Variants in HK2 observed in about 807,000 individuals in gnomAD.
The protein encoded by HK2 is hexokinase-2.
A neutral mutation model predicts 92.9 loss-of-function variants in HK2; 42 were observed. The ratio of observed to expected loss-of-function variants is 0.45; its 90% confidence interval spans 0.35 to 0.58. HK2 has a LOEUF of 0.58. Among genes scored for constraint, HK2 ranks in the 20% least tolerant of loss-of-function variants. The probability of loss-of-function intolerance (pLI) is 0.00; values close to 1 mark genes in which losing one functional copy is unlikely to be tolerated. For missense variants in HK2, 978 were observed against 1,245.1 expected (o/e 0.79, Z 3.23); for synonymous variants, 422 against 468.0 (o/e 0.90, Z 1.27).
intron 1 of HK2, among the ~76,000 whole-genome samples, chr2:74,841,692 G>A (rs1400158127): frequency 2.6e-5 from 4 of 152,210 alleles, no homozygotes; most frequent in Non-Finnish European, 4.4e-5. Flanking sequence ...CAGGGAACGG[G>A]AGCTAGTTGC....
chr2:74,835,630 G>A (rs773196916), intron 1 of HK2, among the ~76,000 whole-genome samples: 51 of 152,114 alleles, frequency 3.4e-4, no homozygotes, highest in Non-Finnish European at 5.3e-4. Flanking sequence ...CGGGGCCGGG[G>A]ACGGGCAGGG....
intron 1 of HK2, among the ~76,000 whole-genome samples, chr2:74,836,484 T>C (rs1688169239): frequency 6.6e-6 from 1 of 152,226 alleles, no homozygotes; most frequent in South Asian, 2.1e-4. Flanking sequence ...AATGCAATAA[T>C]AACAGTAGGC....
At chr2:74,858,121 A>G (rs981333063) in intron 2 of HK2, among the ~76,000 whole-genome samples, 1 of 152,252 alleles carries the variant, frequency 6.6e-6, no homozygotes, top group East Asian at 1.9e-4. Flanking sequence ...CTTCACAGCA[A>G]GAAACACATG....
chr2:74,892,891 C>T lies in HK2; in HGVS notation c.*1950C>T, dbSNP rs1346452400. On this transcript the variant is annotated 3_prime_UTR_variant, in exon 18 of 18. Transcript: ENST00000290573. ...GCTGCTCCCATCTGCACTAATTGAC[C>T]CAAAACGTGGGTATTTCCTGCTACA... is the stretch of plus-strand genomic sequence containing the variant. The T allele has an allele frequency of 6.6e-6, 1 of 152,074 alleles. No homozygotes were observed. The highest frequency in any genetic ancestry group is 1.5e-5 in the Non-Finnish European group (1 of 68,024). 9.4% of individuals were successfully genotyped at this position (152,074 alleles called of 1,614,324 possible).
At chr2:74,884,475 G>A (rs1217927892) in intron 12 of HK2, among the ~76,000 whole-genome samples, 6 of 152,212 alleles carry the variant, frequency 3.9e-5, no homozygotes, top group Non-Finnish European at 7.3e-5. Flanking sequence ...ACAAACTTGC[G>A]TCAAACATGT....
rs770217860 is a variant in HK2, at chr2:74,877,225, A to C, written c.935A>C (p.Lys312Thr). 6.2e-7 allele frequency: 1 copy of C among 1,614,186 alleles called. No individual in the cohort carries two copies. Among genetic ancestry groups the C allele is most frequent in the Non-Finnish European group, 8.5e-7 (1 of 1,180,030 alleles). The change falls in exon 8 of 18, where the codon AAG becomes ACG. Residue 312 changes from lysine (K) to threonine (T), a missense_variant. Around this residue, in one of 3 missense-constraint regions of HK2, gnomAD observed 742 missense variants for 922.5 expected, o/e 0.80. Transcript: ENST00000290573. ...GAGCTGGTGAGGCTTATCCTGGTGA[A>C]GATGGCCAAGGAGGAGCTGCTCTTT... is the stretch of plus-strand genomic sequence containing the variant. ...MGELVRLILVKMAKEELLFGG... is the reference protein window; with the variant it reads ...MGELVRLILVTMAKEELLFGG...
intron 1 of HK2, among the ~76,000 whole-genome samples, chr2:74,845,623 G>GCTTACCCGCTGCCT (rs1688417375): frequency 6.6e-6 from 1 of 152,240 alleles, no homozygotes; most frequent in Admixed American, 6.5e-5. Flanking sequence ...TCAGCTCTGC[G>GCTTACCCGCTGCCT]CTTACCCGCT....
At chr2:74,867,835 A>G (rs376758625) in intron 3 of HK2, 51 bp downstream of exon 3, 16 of 1,607,724 alleles carry the variant, frequency 1.0e-5, no homozygotes, top group Non-Finnish European at 1.3e-5. Context: ...CTTCCTTGGC[A>G]TGTTCTTTCT....
At chr2:74,849,443 C>T (rs10175889) in intron 1 of HK2, among the ~76,000 whole-genome samples, 2,409 of 152,336 alleles carry the variant, frequency 0.016, 70 homozygotes, top group African/African-American at 0.055. Context: ...GGCAGGCAGA[C>T]GGGAAGGTAA....
chr2:74,844,812 AAGGCCCGACACAGAGCACCTGGTC>A (rs1688399663), intron 1 of HK2, among the ~76,000 whole-genome samples: 1 of 152,240 alleles, frequency 6.6e-6, no homozygotes, highest in Admixed American at 6.5e-5. Context: ...CCTGAAGAGC[AAGGCCCGACACAGAGCACCTGGTC>A]AGTCGGGAGT....
At position 74,891,913 on chromosome 2, in the gene HK2, G is replaced by C. The variant is rs1368094293; in HGVS notation, c.*972G>C. 1 of 152,644 alleles carries C rather than the reference G, an allele frequency of 6.6e-6. No individual in the cohort carries two copies. Among genetic ancestry groups the C allele is most frequent in the Admixed American group, 6.5e-5 (1 of 15,288 alleles). The allele number at this position is 152,644 out of a possible 1,614,324, so 9.5% of individuals were successfully genotyped here. ...AAGGGGAAGATACTGACTAGTCATA[G>C]AAATACCTCATTCGCCTGTGGGAAG... On this transcript the variant is annotated 3_prime_UTR_variant, in exon 18 of 18. Coordinates refer to ENST00000290573, the MANE Select transcript of HK2 (RefSeq NM_000189.5).
chr2:74,885,363 G>C, intron 12 of HK2, 131 bp from the exon 13 acceptor site: 3 of 719,186 alleles, frequency 4.2e-6, no homozygotes, highest in Non-Finnish European at 7.7e-6. Flanking sequence ...TAATTTGCGG[G>C]TGAGATGATT....
chr2:74,836,685 G>A (rs1265588979), intron 1 of HK2, among the ~76,000 whole-genome samples: 1 of 152,168 alleles, frequency 6.6e-6, no homozygotes, highest in East Asian at 1.9e-4. Context: ...GTCAGAACCT[G>A]GGATTTGACT....
chr2:74,874,143 A>G (rs1272662338), intron 6 of HK2, 123 bp from the exon 7 acceptor site: 1 of 1,244,986 alleles, frequency 8.0e-7, no homozygotes, highest in Non-Finnish European at 1.2e-6. Context: ...TGATGCCCCC[A>G]GAGTCTGCAG....
Position 74,866,062 on chromosome 2 carries a change from G to A in HK2, c.227-1574G>A, listed in dbSNP as rs146383613. ...GATGTGGGCTCCAGAGCCAGTCTCC[G>A]TGTGTCACATCGCCTGACACACTTC... On this transcript the variant is annotated intron_variant, in intron 2 of 17. Transcript: ENST00000290573. 1.7e-3 allele frequency among the ~76,000 whole-genome samples: 262 copies of A among 152,214 alleles called. 2 individuals are homozygous for A. The highest frequency in any genetic ancestry group is 5.9e-3 in the African/African-American group (245 of 41,460).
intron 2 of HK2, among the ~76,000 whole-genome samples, chr2:74,859,673 C>T (rs976700295): frequency 6.6e-6 from 1 of 152,142 alleles, no homozygotes; most frequent in African/African-American, 2.4e-5. Flanking sequence ...GACAAATACA[C>T]CTGTTTAATA....
At chr2:74,842,242 T>C (rs1010824094) in intron 1 of HK2, among the ~76,000 whole-genome samples, 1 of 152,246 alleles carries the variant, frequency 6.6e-6, no homozygotes, top group Admixed American at 6.5e-5. Context: ...ACTTGATTTT[T>C]TTTTGACTTC....
chr2:74,872,416 C>A lies in HK2; in HGVS notation c.492C>A (p.Asp164Glu), dbSNP rs149112391. The A allele has an allele frequency of 1.2e-6, 2 of 1,613,838 alleles. No homozygotes were observed. The highest frequency in any genetic ancestry group is 1.7e-6 in the Non-Finnish European group (2 of 1,179,830). ...FSFPCHQTKL[D>E]ESFLVSWTKG... is the part of the protein sequence containing the mutation. ...TCCCCTGCCACCAGACTAAACTAGA[C>A]GAGGTAAGATGGGCTCCTCAGACAC... is the stretch of plus-strand genomic sequence containing the variant. Residue 164 changes from aspartate (D) to glutamate (E), a missense_variant, in exon 4 of 18, where the codon GAC (aspartate) becomes GAA (glutamate). By Grantham distance (45) the Asp-to-Glu change is conservative. This residue lies in a region of HK2 where 189 missense variants were observed against 289.5 expected (regional missense o/e 0.65). Coordinates refer to ENST00000290573, the MANE Select transcript of HK2 (RefSeq NM_000189.5).
Position 74,845,922 on chromosome 2 carries a change from G to A in HK2, c.64-8371G>A, listed in dbSNP as rs2103853422. Among the ~76,000 whole-genome samples the A allele has an allele frequency of 2.0e-5, 3 of 152,358 alleles. No individual in the cohort carries two copies. The South Asian group carries it at 6.2e-4, about 32-fold the overall frequency. ...TACAGCCTCAGCCTTCCCAGGAGGA[G>A]TCTGTGAGGGCATTATTATTAATGA... On this transcript the variant is annotated intron_variant, in intron 1 of 17. Coordinates refer to ENST00000290573, the MANE Select transcript of HK2 (RefSeq NM_000189.5).
Sources: gnomAD v4.1 joint callset for allele counts (sites outside exome capture counted in the v4.1 genomes callset) on GRCh38, gnomAD v4.1.1 for gene constraint, gnomAD v4.1.1 regional missense constraint, MANE v1.5 for transcripts, NCBI Gene and HGNC (gene_info 2026-07-23, HGNC 2026-07-21) for gene names.